Variants in GPD2 observed in about 807,000 individuals in gnomAD.
GPD2 encodes glycerol-3-phosphate dehydrogenase, mitochondrial.
GPD2 carries 54 observed loss-of-function variants against 82.4 expected under a neutral mutation model. That is an observed-to-expected ratio of 0.66 (90% CI 0.53 to 0.82). The LOEUF (loss-of-function observed/expected upper bound fraction) is 0.82, where lower values mean the gene tolerates loss of function less well. Ranked by LOEUF, GPD2 falls within the 40% of genes least tolerant of loss-of-function variation. The pLI is 0.00. For missense variants in GPD2, 748 were observed against 896.2 expected (o/e 0.83, Z 2.11); for synonymous variants, 288 against 306.1 (o/e 0.94, Z 0.62).
intron 13 of GPD2, among the ~76,000 whole-genome samples, 200 bp downstream of exon 13, chr2:156,571,492 G>T (rs893526168): frequency 6.6e-6 from 1 of 152,040 alleles, no homozygotes; most frequent in Admixed American, 6.6e-5. Context: ...AAAATCTCTT[G>T]TAGAAAATGC....
chr2:156,541,679 A>G (rs1291891870), intron 6 of GPD2, among the ~76,000 whole-genome samples: 1 of 152,156 alleles, frequency 6.6e-6, no homozygotes, highest in African/African-American at 2.4e-5. Flanking sequence ...GAAGCTTACC[A>G]GGGGTTTTTA....
the GPD2 span, among the ~76,000 whole-genome samples, chr2:156,412,381 G>A: frequency 6.6e-6 from 1 of 151,516 alleles, no homozygotes; most frequent in African/African-American, 2.4e-5. Context: ...GGAGGTTGCA[G>A]TGAGCCGAGA....
intron 2 of GPD2, chr2:156,495,597 A>G (rs1684340077): frequency 2.2e-6 from 1 of 464,806 alleles, no homozygotes; most frequent in African/African-American, 2.0e-5. Context: ...GGAATGAAGA[A>G]TGTATACTTC....
chr2:156,421,549 T>C, the GPD2 span, among the ~76,000 whole-genome samples: 1 of 152,182 alleles, frequency 6.6e-6, no homozygotes, highest in Non-Finnish European at 1.5e-5. Context: ...CTCTTTACAG[T>C]CTGCTAAAGA....
At chr2:156,557,090 C>CA in intron 8 of GPD2, among the ~76,000 whole-genome samples, 1 of 152,282 alleles carries the variant, frequency 6.6e-6, no homozygotes, top group South Asian at 2.1e-4. Flanking sequence ...GTATGAAACT[C>CA]AAACAGTAGG....
At chr2:156,572,004 C>A (rs1314831274) in intron 13 of GPD2, among the ~76,000 whole-genome samples, 2 of 152,170 alleles carry the variant, frequency 1.3e-5, no homozygotes, top group Non-Finnish European at 2.9e-5. Context: ...GTCAATCTCA[C>A]CAGTAACCTC....
At chr2:156,428,942 T>G in the GPD2 span, among the ~76,000 whole-genome samples, 432 of 152,342 alleles carry the variant, frequency 2.8e-3, 1 homozygote, top group Non-Finnish European at 5.0e-3. Context: ...TAAAAAACTT[T>G]CCTCTTGGCT....
intron 2 of GPD2, among the ~76,000 whole-genome samples, chr2:156,484,011 T>A (rs1007050179): frequency 1.0e-4 from 10 of 97,336 alleles, no homozygotes; most frequent in Admixed American, 8.4e-4. Flanking sequence ...TTTTTTTTTT[T>A]ACCAGATTGC....
rs936411977 is a variant in GPD2 at position 156,570,143 on chromosome 2, G to A, written c.1533G>A (p.Met511Ile). 3 of 1,612,266 alleles carry A rather than the reference G, an allele frequency of 1.9e-6. No homozygotes were observed. The African/African-American group carries it at 4.0e-5, about 22-fold the overall frequency. Residue 511 changes from methionine (M) to isoleucine (I), a missense_variant, in exon 12 of 17, where the codon ATG becomes ATA. This residue lies in a region of GPD2 where 692 missense variants were observed against 809.7 expected (regional missense o/e 0.85). Transcript: ENST00000438166. ...YGDKAFEVAK[M>I]ASVTGKRWPI... ...ATAAGGCCTTTGAGGTGGCCAAAAT[G>A]GCAAGTGTGACTGGCAAAAGGTGGC...
intron 1 of GPD2, among the ~76,000 whole-genome samples, chr2:156,437,531 C>T (rs2105131513): frequency 6.6e-6 from 1 of 152,244 alleles, no homozygotes; most frequent in East Asian, 1.9e-4. Flanking sequence ...TTGAAACCCC[C>T]CTCTGTTTCT....
chr2:156,489,112 C>A (rs1684054541), intron 2 of GPD2, among the ~76,000 whole-genome samples: 1 of 152,096 alleles, frequency 6.6e-6, no homozygotes, highest in Admixed American at 6.6e-5. Flanking sequence ...GGTTGGTGAA[C>A]TCATGTGTCT....
chr2:156,443,670 C>T (rs1468991694), intron 1 of GPD2, among the ~76,000 whole-genome samples: 1 of 151,944 alleles, frequency 6.6e-6, no homozygotes, highest in South Asian at 2.1e-4. Flanking sequence ...AGGGAAGGGG[C>T]GAAGTGACAT....
chr2:156,579,161 A>G lies in GPD2; in HGVS notation c.1956A>G (p.Leu652=), dbSNP rs555614559. 1.3e-6 allele frequency: 2 copies of G among 1,585,852 alleles called. No individual in the cohort carries two copies. The highest frequency in any genetic ancestry group is 1.3e-5 in the African/African-American group (1 of 74,436). The change falls in exon 15 of 17, where the codon TTA becomes TTG. Residue 652 remains leucine, a synonymous_variant. Transcript: ENST00000438166. The part of the protein sequence containing the change: ...FITIVDVQRV[L]ESINVQMDEN... Reference sequence around the variant, plus strand: ...CCATTGTTGATGTTCAGCGTGTATTAGAGGTAATTTTCTTTGGTTGATGTC... The same window carrying G: ...CCATTGTTGATGTTCAGCGTGTATTGGAGGTAATTTTCTTTGGTTGATGTC...
intron 1 of GPD2, 46 bp downstream of exon 1, chr2:156,436,559 G>C (rs1681925754): frequency 6.6e-6 from 1 of 152,232 alleles, no homozygotes; most frequent in Admixed American, 6.5e-5. Context: ...TAGTATTCTA[G>C]GGGGGGAGTG....
At chr2:156,409,215 A>G in the GPD2 span, among the ~76,000 whole-genome samples, 1 of 152,218 alleles carries the variant, frequency 6.6e-6, no homozygotes, top group Non-Finnish European at 1.5e-5. Flanking sequence ...AATTGGTGAT[A>G]CTTGTTATTG....
At chr2:156,489,007 T>C (rs906817451) in intron 2 of GPD2, among the ~76,000 whole-genome samples, 5 of 152,198 alleles carry the variant, frequency 3.3e-5, no homozygotes, top group African/African-American at 1.2e-4. Context: ...GTTTGTTTTG[T>C]GTGTTGGGCT....
At chr2:156,523,790 C>T (rs1685506333) in intron 6 of GPD2, among the ~76,000 whole-genome samples, 1 of 152,130 alleles carries the variant, frequency 6.6e-6, no homozygotes. Flanking sequence ...GTGATCCTCC[C>T]ACCTTGGCCT....
In GPD2 at chr2:156,513,365, T is replaced by C; in HGVS notation, c.530T>C (p.Ile177Thr). Residue 177 changes from isoleucine (I) to threonine (T), a missense_variant, in exon 6 of 17, where the codon ATC (isoleucine) becomes ACC (threonine). Physicochemically the swap from Ile to Thr is moderately conservative, Grantham distance 89 (BLOSUM62 -1). Around this residue, in one of 3 missense-constraint regions of GPD2, gnomAD observed 692 missense variants for 809.7 expected, o/e 0.85. Coordinates refer to ENST00000438166, the MANE Select transcript of GPD2 (RefSeq NM_000408.5). ...CAGTTACCTTACTACTGGGTAGGAA[T>C]CAAGCTGTATGATTTGGTTGCAGGA... Reference protein sequence around the residue: ...WWQLPYYWVGIKLYDLVAGSN... With the variant: ...WWQLPYYWVGTKLYDLVAGSN... 2.5e-6 allele frequency: 4 copies of C among 1,612,102 alleles called. No individual in the cohort carries two copies. The highest frequency in any genetic ancestry group is 3.4e-6 in the Non-Finnish European group (4 of 1,179,290).
chr2:156,575,256 TG>T (rs1205274423), intron 13 of GPD2, among the ~76,000 whole-genome samples: 2 of 152,186 alleles, frequency 1.3e-5, no homozygotes, highest in African/African-American at 2.4e-5. Flanking sequence ...CTAATGGTCT[TG>T]GCATTGATCT....
Sources: allele counts gnomAD v4.1 joint callset (sites outside exome capture counted in the v4.1 genomes callset), GRCh38; gene constraint gnomAD v4.1.1; regional missense constraint gnomAD v4.1.1; transcripts MANE v1.5; gene names NCBI Gene and HGNC (gene_info 2026-07-23, HGNC 2026-07-21).